ZFR2: variants seen among roughly 807,000 people sequenced by gnomAD.
ZFR2 encodes zinc finger RNA-binding protein 2.
In ZFR2, 104 loss-of-function variants were observed where a neutral mutation model predicts 105.7. The observed-to-expected ratio is 0.98, with a 90% CI of 0.84 to 1.16. ZFR2 has a LOEUF of 1.16. ZFR2 is among the 50% of genes most tolerant of loss of function. The pLI is 0.00. For synonymous variants in ZFR2, 634 were observed against 597.7 expected (o/e 1.06, Z -0.89); for missense variants, 1,425 against 1,355.5 (o/e 1.05, Z -0.80).
intron 1 of ZFR2, among the ~76,000 whole-genome samples, chr19:3,865,238 A>C (rs2038416019): frequency 6.6e-6 from 1 of 152,230 alleles, no homozygotes; most frequent in Non-Finnish European, 1.5e-5. Context: ...TGCCTTCAAG[A>C]GTGAATGTGG....
At chr19:3,859,491 G>A (rs990804905) in intron 1 of ZFR2, among the ~76,000 whole-genome samples, 3 of 152,198 alleles carry the variant, frequency 2.0e-5, no homozygotes, top group Non-Finnish European at 4.4e-5. Context: ...TGTGAGTCCT[G>A]TCCCTCTAGA....
intron 13 of ZFR2, among the ~76,000 whole-genome samples, chr19:3,815,420 A>G (rs1399508785): frequency 6.6e-6 from 1 of 152,186 alleles, no homozygotes; most frequent in South Asian, 2.1e-4. Flanking sequence ...AAGATGATCA[A>G]TGTAAATTCT....
chr19:3,817,780 A>T (rs75914429), intron 12 of ZFR2, among the ~76,000 whole-genome samples: 1 of 146,796 alleles, frequency 6.8e-6, no homozygotes, highest in Non-Finnish European at 1.5e-5. Flanking sequence ...AAAAAAAAAA[A>T]GGAGAGGGCA....
At chr19:3,832,318 A>G (rs2038025953) in intron 3 of ZFR2, among the ~76,000 whole-genome samples, 1 of 151,180 alleles carries the variant, frequency 6.6e-6, no homozygotes, top group African/African-American at 2.4e-5. Context: ...TTTTATTATC[A>G]TTATTATTAT....
At chr19:3,842,194 G>A (rs1315563925) in intron 1 of ZFR2, among the ~76,000 whole-genome samples, 1 of 151,612 alleles carries the variant, frequency 6.6e-6, no homozygotes, top group African/African-American at 2.4e-5. Context: ...TTTATTTTTT[G>A]TAGAGATGGG....
chr19:3,816,530 G>T, intron 13 of ZFR2, 144 bp downstream of exon 13: 1 of 1,293,872 alleles, frequency 7.7e-7, no homozygotes, highest in Non-Finnish European at 1.0e-6. Flanking sequence ...ACGGACGTGA[G>T]CCACTGCGCC....
In ZFR2 at chr19:3,807,220, G is replaced by A. The variant is rs372308756; in HGVS notation, c.2595C>T (p.Leu865=). Residue 865 remains leucine (L), a synonymous_variant, in exon 18 of 19, where the codon CTC becomes CTT. Transcript: ENST00000262961. ...DPCERDQTDA[L]EPMTLQERED... ...CCCGCTCTTGGAGGGTCATGGGCTC[G>A]AGGGCATCTGTCTGGTCTCTCTCGC... 4 of 1,561,114 alleles carry A rather than the reference G, an allele frequency of 2.6e-6. No homozygotes were observed. Among genetic ancestry groups the A allele is most frequent in the South Asian group, 1.2e-5 (1 of 84,826 alleles).
At chr19:3,854,957 G>T (rs1300300779) in intron 1 of ZFR2, among the ~76,000 whole-genome samples, 5 of 152,230 alleles carry the variant, frequency 3.3e-5, no homozygotes, top group African/African-American at 9.6e-5. Context: ...TCAGGGCCTT[G>T]CTTTGTTGCC....
chr19:3,844,245 T>TCCA (rs1408422155), intron 1 of ZFR2, among the ~76,000 whole-genome samples: 1 of 152,168 alleles, frequency 6.6e-6, no homozygotes, highest in Non-Finnish European at 1.5e-5. Flanking sequence ...AAACCTCATA[T>TCCA]CCACTACCAA....
At chr19:3,811,402 G>A (rs1352517729) in intron 14 of ZFR2, 36 bp from the exon 15 acceptor site, 1 of 1,543,574 alleles carries the variant, frequency 6.5e-7, no homozygotes, top group African/African-American at 1.4e-5. Flanking sequence ...TGCGGGGAAG[G>A]TGCCTCGTCC....
At position 3,820,202 on chromosome 19, in the gene ZFR2, G is replaced by A. The variant is rs1405528398; in HGVS notation, c.1720C>T (p.Pro574Ser). The part of the protein sequence containing the change: ...QPLLMGRPES[P>S]ASAPLQPGRR... ...CCTACCTGGAGTGGGGCGCTGGCGG[G>A]TGACTCCGGCCTGCCCATGAGCAGA... Residue 574 changes from proline (P) to serine (S), a missense_variant, in exon 11 of 19, where the codon CCC becomes TCC. Physicochemically the swap from Pro to Ser is moderately conservative, Grantham distance 74. Transcript: ENST00000262961. The A allele has an allele frequency of 6.4e-7, 1 of 1,552,522 alleles. No homozygotes were observed. The highest frequency in any genetic ancestry group is 1.2e-5 in the South Asian group (1 of 84,190).
At position 3,817,570 on chromosome 19, in the gene ZFR2, A is replaced by AATG. The variant is rs778136392; in HGVS notation, c.1932-726_1932-725insCAT. Among the ~76,000 whole-genome samples the AATG allele has an allele frequency of 5.4e-4, 59 of 108,574 alleles. 1 individual carries two copies. Among genetic ancestry groups the AATG allele is most frequent in the African/African-American group, 2.4e-3 (57 of 24,080 alleles). 71.2% of individuals were successfully genotyped at this position (108,574 alleles called of 152,430 possible). Reference sequence around the variant, plus strand: ...CAAGACTCCATCTCAAAATAATGATAATAATAATAATAATAATAATAATAA... The same window carrying AATG: ...CAAGACTCCATCTCAAAATAATGATAATGATAATAATAATAATAATAATAATAA... On this transcript the variant is annotated intron_variant, in intron 12 of 18. Coordinates refer to ENST00000262961, the MANE Select transcript of ZFR2 (RefSeq NM_015174.2).
chr19:3,808,565 CG>C (rs945520382), intron 17 of ZFR2, among the ~76,000 whole-genome samples: 2 of 152,122 alleles, frequency 1.3e-5, no homozygotes, highest in Admixed American at 1.3e-4. Context: ...GGCTCTGTGC[CG>C]GGGTGGCTCT....
chr19:3,810,740 A>C lies in ZFR2; in HGVS notation c.2433+10T>G. The stretch of plus-strand genomic sequence containing the variant: ...CCAGTGGAGGGCCGGGCCGCCAGGC[A>C]CTGCCTTACCCAGGCTGGCAGGGCC... On this transcript the variant is annotated intron_variant, in intron 16 of 18. Coordinates refer to ENST00000262961, the MANE Select transcript of ZFR2 (RefSeq NM_015174.2). 6.5e-7 allele frequency: 1 copy of C among 1,547,242 alleles called. No individual in the cohort carries two copies. Among genetic ancestry groups the C allele is most frequent in the Non-Finnish European group, 8.7e-7 (1 of 1,145,138 alleles).
chr19:3,827,158 C>T (rs148905713), intron 6 of ZFR2, among the ~76,000 whole-genome samples: 2,311 of 152,276 alleles, frequency 0.015, 51 homozygotes, highest in African/African-American at 0.053. Context: ...ATGAGAATTG[C>T]TTGAACCCAG....
At chr19:3,815,598 CT>C (rs1361964530) in intron 13 of ZFR2, among the ~76,000 whole-genome samples, 1 of 152,068 alleles carries the variant, frequency 6.6e-6, no homozygotes, top group Admixed American at 6.6e-5. Context: ...TTTTGAATTT[CT>C]TTTGAGACTG....
At position 3,807,262 on chromosome 19, in the gene ZFR2, G is replaced by A. The variant is rs369643029; in HGVS notation, c.2553C>T (p.Pro851=). ...VATGTLLTDG[P]GLQDPCERDQ... ...CTCTCTCGCAGGGATCCTGGAGCCC[G>A]GGCCCGTCTTTGTGACGGGGAGTGG... Residue 851 remains proline (P), a synonymous_variant, in exon 18 of 19, where the codon CCC becomes CCT. Transcript: ENST00000262961. 72 of 1,555,570 alleles carry A rather than the reference G, an allele frequency of 4.6e-5. No homozygotes were observed. The South Asian group carries it at 6.4e-4, about 14-fold the overall frequency.
chr19:3,807,336 C>A (rs574365710), intron 17 of ZFR2, 67 bp from the exon 18 acceptor site: 2 of 1,219,178 alleles, frequency 1.6e-6, no homozygotes, highest in Non-Finnish European at 2.3e-6. Context: ...GTGACAGGGC[C>A]GTCCCTCGAC....
rs772450976 is a variant in ZFR2 at position 3,820,267 on chromosome 19, T to G, written c.1655A>C (p.Gln552Pro). The G allele has an allele frequency of 1.0e-4, 154 of 1,546,670 alleles. No homozygotes were observed. The highest frequency in any genetic ancestry group is 1.3e-4 in the Non-Finnish European group (144 of 1,146,230). The change falls in exon 11 of 19, where the codon CAG becomes CCG. Residue 552 changes from glutamine to proline, a missense_variant. Transcript: ENST00000262961. The part of the protein sequence containing the change: ...ERRRLEEEPP[Q>P]DVPPHAPPDW... ...GGGCGGCGCGTGGGGCGGCACGTCCTGGGGTGGCTCCTCCTCCAGCCGCCT... is the reference window on the plus strand; with the variant it reads ...GGGCGGCGCGTGGGGCGGCACGTCCGGGGGTGGCTCCTCCTCCAGCCGCCT...
Sources: allele counts gnomAD v4.1 joint callset (sites outside exome capture counted in the v4.1 genomes callset), GRCh38; gene constraint gnomAD v4.1.1; transcripts MANE v1.5; gene names NCBI Gene and HGNC (gene_info 2026-07-23, HGNC 2026-07-21).